DARS2: variants seen among roughly 807,000 people sequenced by gnomAD.
DARS2 encodes the protein aspartyl-tRNA synthetase 2, mitochondrial.
Under a neutral mutation model 83.0 loss-of-function variants are expected in DARS2, and 63 were observed. That is an observed-to-expected ratio of 0.76 (90% CI 0.62 to 0.94). The LOEUF (loss-of-function observed/expected upper bound fraction) is 0.94. Among genes scored for constraint, DARS2 ranks in the 40% least tolerant of loss-of-function variants. The pLI, the probability that DARS2 is intolerant of heterozygous loss-of-function variation, is 0.00. For synonymous variants in DARS2, 250 were observed against 269.3 expected (o/e 0.93, Z 0.70); for missense variants, 675 against 774.4 (o/e 0.87, Z 1.52).
At position 173,853,556 on chromosome 1, in the gene DARS2, G is replaced by A. The variant is rs780089971; in HGVS notation, c.1552G>A (p.Glu518Lys). The A allele has an allele frequency of 6.2e-7, 1 of 1,613,922 alleles. No individual in the cohort carries two copies. The highest frequency in any genetic ancestry group is 1.1e-5 in the South Asian group (1 of 91,064). Residue 518 changes from glutamate (E) to lysine (K), a missense_variant, in exon 14 of 17, where the codon GAG becomes AAG. By Grantham distance (56) the Glu-to-Lys change is moderately conservative. Transcript: ENST00000649689. ...CAGTGACATACATCTCCTGTACACT[G>A]AGCCCAAAAAGGTACCGTATCTATA... ...HPSDIHLLYT[E>K]PKKARSQHYD...
intron 12 of DARS2, among the ~76,000 whole-genome samples, chr1:173,845,880 G>A (rs943274761): frequency 1.3e-5 from 2 of 152,186 alleles, no homozygotes; most frequent in Non-Finnish European, 2.9e-5. Flanking sequence ...AAAATTGGCC[G>A]GGCGCGTTGG....
At chr1:173,830,055 G>A (rs925859109) in intron 3 of DARS2, among the ~76,000 whole-genome samples, 1 of 151,434 alleles carries the variant, frequency 6.6e-6, no homozygotes, top group South Asian at 2.1e-4. Context: ...GCACTCCAGA[G>A]TGCACACCAG....
At chr1:173,829,765 C>T (rs540585054) in intron 3 of DARS2, among the ~76,000 whole-genome samples, 5 of 151,930 alleles carry the variant, frequency 3.3e-5, no homozygotes, top group Non-Finnish European at 5.9e-5. Flanking sequence ...AAAATTTAGC[C>T]GGGTGTGGTG....
intron 16 of DARS2, among the ~76,000 whole-genome samples, chr1:173,857,236 T>C (rs919590144): frequency 6.6e-6 from 1 of 152,192 alleles, no homozygotes; most frequent in Non-Finnish European, 1.5e-5. Flanking sequence ...AAATACACTG[T>C]TGAATCTGTT....
chr1:173,826,433 C>T (rs1186853781), intron 1 of DARS2, among the ~76,000 whole-genome samples: 1 of 151,886 alleles, frequency 6.6e-6, no homozygotes, highest in Non-Finnish European at 1.5e-5. Context: ...GCTAGAAGAT[C>T]AAAAAAATTT....
intron 7 of DARS2, among the ~76,000 whole-genome samples, chr1:173,834,724 G>GTTTT (rs1203102003): frequency 6.8e-5 from 1 of 14,770 alleles, no homozygotes; most frequent in African/African-American, 2.6e-4. Flanking sequence ...TTTCCTTTGA[G>GTTTT]TTTTTTTGTT....
Position 173,853,896 on chromosome 1 carries a change from C to A in DARS2, c.1665C>A (p.Thr555=). 1 of 1,613,214 alleles carries A rather than the reference C, an allele frequency of 6.2e-7. No individual in the cohort carries two copies. ...NAELQRYILA[T]LLKEDVKMLS... is the part of the protein sequence containing the mutation. ...AGCTGCAGCGTTATATCCTGGCAAC[C>A]TTACTAAAGGTAACAAACATCATCT... The change falls in exon 15 of 17, where the codon ACC becomes ACA. Residue 555 remains threonine, a synonymous_variant. Transcript: ENST00000649689.
rs1652415344 is a variant in DARS2, at chr1:173,825,002, GA to G, written c.-227del. 3.0e-5 allele frequency: 14 copies of G among 467,372 alleles called. No individual in the cohort carries two copies. Among genetic ancestry groups the G allele is most frequent in the South Asian group, 2.4e-4 (12 of 50,762 alleles). 29.0% of individuals were successfully genotyped at this position (467,372 alleles called of 1,614,324 possible). On this transcript the variant is annotated 5_prime_UTR_variant, in exon 1 of 17. Coordinates refer to ENST00000649689, the MANE Select transcript of DARS2 (RefSeq NM_018122.5). ...AGACTGATGCTTTAAGACTCAGGGA[GA>G]GGTCTTTCCCTTATCTCCACCCCAG... is the stretch of plus-strand genomic sequence containing the variant.
chr1:173,851,458 A>G (rs1653665633), intron 13 of DARS2, among the ~76,000 whole-genome samples: 1 of 152,020 alleles, frequency 6.6e-6, no homozygotes, highest in Admixed American at 6.6e-5. Flanking sequence ...TGCATTCGTA[A>G]ATTGTGGAGG....
intron 15 of DARS2, 21 bp from the exon 16 acceptor site, chr1:173,856,645 G>A (rs1260099207): frequency 1.9e-6 from 3 of 1,609,340 alleles, no homozygotes; most frequent in East Asian, 2.2e-5. Context: ...TATTTAAACT[G>A]AATTATCTTT....
At chr1:173,851,981 T>C (rs2102660997) in intron 13 of DARS2, 1 of 985,430 alleles carries the variant, frequency 1.0e-6, no homozygotes, top group Non-Finnish European at 1.2e-6. Context: ...TGTTCCTAAC[T>C]AATTTGGCTA....
intron 4 of DARS2, among the ~76,000 whole-genome samples, chr1:173,831,208 C>T (rs982177376): frequency 2.7e-5 from 4 of 147,744 alleles, no homozygotes; most frequent in Non-Finnish European, 5.9e-5. Flanking sequence ...AGCCACCGTG[C>T]CTGGCCCTTT....
In DARS2 at chr1:173,850,334, T is replaced by G; in HGVS notation, c.1199T>G (p.Leu400Ter). The change falls in exon 13 of 17, where the codon TTA (leucine) becomes TGA (stop). Residue 400 changes from leucine (L) to a stop codon, truncating the protein, a stop_gained. Transcript: ENST00000649689. LOFTEE classifies it high-confidence loss of function. ...FAADHFNQEILPVFLNANRNW... is the reference protein window; with the variant it reads ...FAADHFNQEI Reference sequence around the variant, plus strand: ...TCTTTTTCTTTTACACAGGAAATCTTACCTGTATTCCTTAACGCCAATAGA... The same window carrying G: ...TCTTTTTCTTTTACACAGGAAATCTGACCTGTATTCCTTAACGCCAATAGA... 1.2e-6 allele frequency: 2 copies of G among 1,610,812 alleles called. No homozygotes were observed. Among genetic ancestry groups the G allele is most frequent in the Non-Finnish European group, 1.7e-6 (2 of 1,178,896 alleles).
At chr1:173,841,943 G>GC (rs886944433) in intron 11 of DARS2, among the ~76,000 whole-genome samples, 2 of 152,098 alleles carry the variant, frequency 1.3e-5, no homozygotes, top group African/African-American at 4.8e-5. Flanking sequence ...CACCAGCATG[G>GC]CCATTGCATG....
intron 3 of DARS2, among the ~76,000 whole-genome samples, chr1:173,830,297 C>T (rs185343199): frequency 2.0e-4 from 31 of 152,236 alleles, no homozygotes; most frequent in Non-Finnish European, 3.5e-4. Flanking sequence ...CTGGAGAACT[C>T]CTTTGACTCT....
Position 173,828,339 on chromosome 1 carries a change from C to T in DARS2, c.234C>T (p.Asn78=). Residue 78 remains asparagine (N), a synonymous_variant, in exon 3 of 17, where the codon AAC becomes AAT. Transcript: ENST00000649689. ...LCGWIQYRRQ[N]TFLVLRDFDG... ...CCCCCCCCCCATTAATCAGGCAAAA[C>T]ACATTCTTGGTCCTAAGAGATTTCG... The T allele has an allele frequency of 7.5e-7, 1 of 1,328,526 alleles. No individual in the cohort carries two copies. The highest frequency in any genetic ancestry group is 1.2e-5 in the South Asian group (1 of 85,626). 82.3% of individuals were successfully genotyped at this position (1,328,526 alleles called of 1,614,324 possible).
At chr1:173,846,153 G>A (rs865799070) in intron 12 of DARS2, among the ~76,000 whole-genome samples, 16 of 149,370 alleles carry the variant, frequency 1.1e-4, no homozygotes, top group South Asian at 4.2e-4. Flanking sequence ...GCAAGACTCT[G>A]TCTCAAAAAA....
At chr1:173,837,249 GGTA>G (rs971288411) in intron 8 of DARS2, among the ~76,000 whole-genome samples, 6 of 150,448 alleles carry the variant, frequency 4.0e-5, no homozygotes, top group Non-Finnish European at 8.8e-5. Flanking sequence ...AAAGCTCTAT[GGTA>G]GTAGATGTGA....
chr1:173,845,275 C>G lies in DARS2; in HGVS notation c.1175C>G (p.Ala392Gly). Residue 392 changes from alanine to glycine, a missense_variant, in exon 12 of 17, where the codon GCT becomes GGT. Ala to Gly is a moderately conservative substitution (Grantham distance 60, BLOSUM62 0). Transcript: ENST00000649689. The stretch of plus-strand genomic sequence containing the variant: ...ATTGAATCCATTAGAAACTTTGCAG[C>G]TGACCATTTTAATCAGGTAAGGAGT... ...KDIESIRNFA[A>G]DHFNQEILPV... 6.2e-7 allele frequency: 1 copy of G among 1,610,704 alleles called. No individual in the cohort carries two copies. Among genetic ancestry groups the G allele is most frequent in the Non-Finnish European group, 8.5e-7 (1 of 1,177,116 alleles).
Sources: gnomAD v4.1 joint callset for allele counts (sites outside exome capture counted in the v4.1 genomes callset) on GRCh38, gnomAD v4.1.1 for gene constraint, MANE v1.5 for transcripts, NCBI Gene and HGNC (gene_info 2026-07-23, HGNC 2026-07-21) for gene names.